The following RGP1 variants were observed in gnomAD, a reference collection of about 807,000 sequenced individuals.
The protein encoded by RGP1 is RAB6A-GEF complex partner protein 2.
Under a neutral mutation model 44.5 loss-of-function variants are expected in RGP1, and 28 were observed. The ratio of observed to expected loss-of-function variants is 0.63; its 90% CI spans 0.47 to 0.86. The LOEUF is 0.86. Among genes scored for constraint, RGP1 ranks in the 40% least tolerant of loss-of-function variants. The probability of loss-of-function intolerance (pLI) is 0.00; values close to 1 mark genes in which losing one functional copy is unlikely to be tolerated. For missense variants in RGP1, 417 were observed against 490.7 expected, an observed-to-expected ratio of 0.85 and a Z score of 1.42; for synonymous variants, 212 against 196.7, an observed-to-expected ratio of 1.08 and a Z score of -0.65.
At position 35,755,862 on chromosome 9, in the gene RGP1, AC is replaced by A. The variant is rs1827352084; in HGVS notation, c.*2989del. On this transcript the variant is annotated 3_prime_UTR_variant, in exon 9 of 9. Coordinates refer to ENST00000378078, the MANE Select transcript of RGP1 (RefSeq NM_001080496.3). ...CTTTCAAAAACAGGTACCTCCAGGA[AC>A]ATTTTGGTTTTGGCCCTTGTATTGA... 6.6e-6 allele frequency: 1 copy of A among 152,330 alleles called. No homozygotes were observed. Among genetic ancestry groups the A allele is most frequent in the Non-Finnish European group, 1.5e-5 (1 of 68,150 alleles). 9.4% of individuals were successfully genotyped at this position (152,330 alleles called of 1,614,324 possible).
the RGP1 span, among the ~76,000 whole-genome samples, chr9:35,769,565 G>A: frequency 6.6e-6 from 1 of 152,216 alleles, no homozygotes; most frequent in African/African-American, 2.4e-5. Flanking sequence ...ATATTTGGGA[G>A]AACATAGTTT....
Position 35,752,819 on chromosome 9 carries a change from C to T in RGP1, c.1121C>T (p.Pro374Leu). 6.2e-7 allele frequency: 1 copy of T among 1,613,880 alleles called. No individual in the cohort carries two copies. The highest frequency in any genetic ancestry group is 8.5e-7 in the Non-Finnish European group (1 of 1,179,864). ...CCCATCAAGGTGCTGCCTACTAGCC[C>T]CACCCTGGCCTCATATGCTGCCCCA... Reference protein sequence around the residue: ...DLPIKVLPTSPTLASYAAPGP... With the variant: ...DLPIKVLPTSLTLASYAAPGP... Residue 374 changes from proline to leucine, a missense_variant, in exon 9 of 9, where the codon CCC (proline) becomes CTC (leucine). Physicochemically the swap from Pro to Leu is moderately conservative, Grantham distance 98. Transcript: ENST00000378078.
the RGP1 span, among the ~76,000 whole-genome samples, chr9:35,770,490 A>T: frequency 3.1e-5 from 4 of 128,150 alleles, no homozygotes; most frequent in African/African-American, 5.9e-5. Context: ...AGGTATTACC[A>T]TGGAGAGAGA....
the RGP1 span, among the ~76,000 whole-genome samples, chr9:35,765,708 A>G: frequency 6.6e-6 from 1 of 151,936 alleles, no homozygotes. Flanking sequence ...ATAAATTTTT[A>G]AAAAAGAGAA....
chr9:35,761,956 C>T (rs181469631), downstream of RGP1, among the ~76,000 whole-genome samples: 108 of 152,158 alleles, frequency 7.1e-4, no homozygotes, highest in Admixed American at 6.0e-3. Flanking sequence ...GAGTTTGAGA[C>T]CAGCCTGGTC....
chr9:35,753,346 G>T lies in RGP1; in HGVS notation c.*472G>T. ...AGGCTGCCTTTATCCCTGCCCACAT[G>T]TTCCCTCTCTCACAGTTTTCCCCCC... On this transcript the variant is annotated 3_prime_UTR_variant, in exon 9 of 9. Coordinates refer to ENST00000378078, the MANE Select transcript of RGP1 (RefSeq NM_001080496.3). This position sits in a 1 kb window ranked among gnomAD's most constrained non-coding sequence, Gnocchi z 4.2. 2 of 1,535,108 alleles carry T rather than the reference G, an allele frequency of 1.3e-6. No individual in the cohort carries two copies. Among genetic ancestry groups the T allele is most frequent in the Non-Finnish European group, 1.8e-6 (2 of 1,132,560 alleles).
rs774290552 is a variant in RGP1, at chr9:35,752,010, CGTG to C, written c.819_821del (p.Gly274del). The C allele has an allele frequency of 1.2e-6, 2 of 1,605,482 alleles. No homozygotes were observed. Among genetic ancestry groups the C allele is most frequent in the East Asian group, 2.2e-5 (1 of 44,860 alleles). ...TGTACAGCCTGAGTACCAGCGGCGACGTGGGGCAGGGGGTGTCCCCTCTGTGTC... is the reference window on the plus strand; with the variant it reads ...TGTACAGCCTGAGTACCAGCGGCGACGGGCAGGGGGTGTCCCCTCTGTGTC... On this transcript the variant is annotated inframe_deletion, in exon 8 of 9. Coordinates refer to ENST00000378078, the MANE Select transcript of RGP1 (RefSeq NM_001080496.3).
intron 6 of RGP1, 101 bp from the exon 7 acceptor site, chr9:35,751,526 T>C (rs754094961): frequency 8.3e-4 from 1,318 of 1,596,860 alleles, no homozygotes; most frequent in Non-Finnish European, 1.0e-3. Flanking sequence ...ACCTGACACC[T>C]CCAATTTTAA....
chr9:35,787,140 TAAAAA>T, the RGP1 span, among the ~76,000 whole-genome samples: 1 of 149,142 alleles, frequency 6.7e-6, no homozygotes, highest in African/African-American at 2.5e-5. Flanking sequence ...TTAAAAAAAA[TAAAAA>T]AGAAAATATT....
the RGP1 span, among the ~76,000 whole-genome samples, chr9:35,780,911 T>C: frequency 6.6e-6 from 1 of 151,986 alleles, no homozygotes; most frequent in Non-Finnish European, 1.5e-5. Flanking sequence ...ACCAAATAAA[T>C]AAAAATAAAG....
At chr9:35,780,897 T>C in the RGP1 span, among the ~76,000 whole-genome samples, 1 of 151,924 alleles carries the variant, frequency 6.6e-6, no homozygotes, top group African/African-American at 2.4e-5. Flanking sequence ...TGTCTCAAAA[T>C]ATGACCAAAT....
chr9:35,755,592 C>T lies in RGP1; in HGVS notation c.*2718C>T, dbSNP rs540972153. 2.6e-5 allele frequency: 4 copies of T among 152,318 alleles called. No homozygotes were observed. In the South Asian group the frequency reaches 8.3e-4, roughly 32 times the overall value. The allele number at this position is 152,318 out of a possible 1,614,324, so 9.4% of individuals were successfully genotyped here. ...AACTGTTTCATCTCAGATCATCAGG[C>T]ATTAGATTCTCATAAGGAGTGTGCA... On this transcript the variant is annotated 3_prime_UTR_variant, in exon 9 of 9. Transcript: ENST00000378078.
chr9:35,763,109 T>C (rs1827434026), downstream of RGP1, among the ~76,000 whole-genome samples: 1 of 152,250 alleles, frequency 6.6e-6, no homozygotes, highest in African/African-American at 2.4e-5. Flanking sequence ...ATCTCATTTC[T>C]TCTAATTTAC....
chr9:35,757,782 T>G lies in RGP1; in HGVS notation c.*4908T>G, dbSNP rs1289077192. 1 of 152,222 alleles carries G rather than the reference T, an allele frequency of 6.6e-6. No homozygotes were observed. The highest frequency in any genetic ancestry group is 6.5e-5 in the Admixed American group (1 of 15,290). 9.4% of individuals were successfully genotyped at this position (152,222 alleles called of 1,614,324 possible). A position where few individuals can be genotyped will look rare whatever the true frequency, so the allele number is the denominator to read the frequency against. On this transcript the variant is annotated 3_prime_UTR_variant, in exon 9 of 9. Transcript: ENST00000378078. ...GTAACGGATGGCTTAAAAGCAAGGT[T>G]GTCTGCGTCTTGGATTACTGTCTGC...
rs1563974363 is a variant in RGP1, at chr9:35,753,132, CAG to C, written c.*259_*260del. The C allele has an allele frequency of 6.2e-7, 1 of 1,614,194 alleles. No homozygotes were observed. Among genetic ancestry groups the C allele is most frequent in the East Asian group, 2.2e-5 (1 of 44,888 alleles). ...GAGTGGGGAGCAGGAGCCCCAGGAA[CAG>C]GGGTGTTGGCTGAGCCCCATTCTGG... On this transcript the variant is annotated 3_prime_UTR_variant, in exon 9 of 9. Transcript: ENST00000378078. This position sits in a 1 kb window ranked among gnomAD's most constrained non-coding sequence, Gnocchi z 4.2.
At chr9:35,779,868 G>T in the RGP1 span, among the ~76,000 whole-genome samples, 3 of 152,128 alleles carry the variant, frequency 2.0e-5, no homozygotes, top group East Asian at 5.8e-4. Flanking sequence ...CTGAGTATCT[G>T]GGACTGCAGG....
chr9:35,750,426 G>A lies in RGP1; in HGVS notation c.253+47G>A, dbSNP rs1234606702. ...GGGAGAGGGGGGGTGCGGAGGGTGTGTGTGGAGGCATTGTCACCCATGGGT... is the reference window on the plus strand; with the variant it reads ...GGGAGAGGGGGGGTGCGGAGGGTGTATGTGGAGGCATTGTCACCCATGGGT... On this transcript the variant is annotated intron_variant, in intron 3 of 8. Coordinates refer to ENST00000378078, the MANE Select transcript of RGP1 (RefSeq NM_001080496.3). 1.9e-6 allele frequency: 3 copies of A among 1,598,234 alleles called. No individual in the cohort carries two copies. In the Admixed American group the frequency reaches 5.0e-5, roughly 27 times the overall value.
intron 8 of RGP1, 122 bp from the exon 9 acceptor site, chr9:35,752,527 CTG>C (rs1039930812): frequency 2.5e-5 from 22 of 867,730 alleles, no homozygotes; most frequent in South Asian, 6.5e-5. Context: ...GCTCCCTGCC[CTG>C]TGACTTTTCC....
At chr9:35,759,656 T>C (rs1365947922), downstream of RGP1, among the ~76,000 whole-genome samples, 1 of 149,584 alleles carries the variant, frequency 6.7e-6, no homozygotes, top group African/African-American at 2.4e-5. Flanking sequence ...CCTCTCATGA[T>C]CTCTCCTCAG....
Sources: gnomAD v4.1 joint callset for allele counts (sites outside exome capture counted in the v4.1 genomes callset) on GRCh38, gnomAD v4.1.1 for gene constraint, Gnocchi (gnomAD v3.1) non-coding constraint, MANE v1.5 for transcripts, NCBI Gene and HGNC (gene_info 2026-07-23, HGNC 2026-07-21) for gene names.